Variants in CLNK observed in about 807,000 individuals in gnomAD.
CLNK encodes the protein cytokine dependent hematopoietic cell linker.
CLNK carries 74 observed loss-of-function variants against 68.6 expected under a neutral mutation model. That is an observed-to-expected ratio of 1.08 (90% confidence interval 0.89 to 1.31). The LOEUF is 1.31. CLNK is among the 50% of genes most tolerant of loss of function. The pLI is 0.00. For missense variants in CLNK, 553 were observed against 515.3 expected, an observed-to-expected ratio of 1.07 and a Z score of -0.71; for synonymous variants, 198 against 172.2, an observed-to-expected ratio of 1.15 and a Z score of -1.17.
At chr4:10,605,788 AC>A (rs1351549157) in intron 2 of CLNK, among the ~76,000 whole-genome samples, 71 of 148,710 alleles carry the variant, frequency 4.8e-4, no homozygotes, top group African/African-American at 1.7e-3. Flanking sequence ...AGATCACACC[AC>A]TGCACTGTAG....
At chr4:10,512,819 C>T (rs1196089917) in intron 16 of CLNK, among the ~76,000 whole-genome samples, 1 of 150,918 alleles carries the variant, frequency 6.6e-6, no homozygotes, top group Non-Finnish European at 1.5e-5. Context: ...AGAAAGCATA[C>T]AAGATACAGT....
At chr4:10,593,481 C>A (rs769129781) in intron 3 of CLNK, among the ~76,000 whole-genome samples, 1 of 152,024 alleles carries the variant, frequency 6.6e-6, no homozygotes, top group Non-Finnish European at 1.5e-5. Flanking sequence ...ATGGCGAAAC[C>A]CCATCTCTAC....
intron 11 of CLNK, among the ~76,000 whole-genome samples, chr4:10,539,525 C>G (rs558572982): frequency 1.3e-5 from 2 of 152,138 alleles, no homozygotes; most frequent in African/African-American, 4.8e-5. Context: ...TCATTCTATG[C>G]AGAAACAAGG....
At chr4:10,647,090 C>T (rs1022523893) in intron 2 of CLNK, among the ~76,000 whole-genome samples, 2 of 152,188 alleles carry the variant, frequency 1.3e-5, no homozygotes, top group Non-Finnish European at 2.9e-5. Context: ...TTCATATACT[C>T]AGGGATAGGG....
Position 10,566,142 on chromosome 4 carries a change from G to A in CLNK, c.159C>T (p.Asn53=), listed in dbSNP as rs1275424075. 2 of 1,613,600 alleles carry A rather than the reference G, an allele frequency of 1.2e-6. No individual in the cohort carries two copies. The highest frequency in any genetic ancestry group is 2.2e-5 in the South Asian group (2 of 91,032). ...TTGCTCCATCCAGGACTGCAGCAAA[G>A]TTTCTTTCCTAAGCAGGTGGTAACA... ...MNKPLLDWER[N]FAAVLDGAKG... The change falls in exon 6 of 19, where the codon AAC becomes AAT. Residue 53 remains asparagine, a synonymous_variant. Transcript: ENST00000226951.
chr4:10,726,225 G>T, the CLNK span, among the ~76,000 whole-genome samples: 8 of 152,204 alleles, frequency 5.3e-5, no homozygotes, highest in African/African-American at 1.7e-4. Context: ...GGGTTCAAGC[G>T]ATTCTCCTGC....
intron 13 of CLNK, 151 bp downstream of exon 13, chr4:10,527,925 G>A: frequency 2.7e-6 from 1 of 372,976 alleles, no homozygotes; most frequent in East Asian, 3.9e-5. Flanking sequence ...GTATGTGTGT[G>A]CATCAGGATC....
chr4:10,674,602 C>T (rs1724797226), intron 1 of CLNK, among the ~76,000 whole-genome samples: 1 of 152,134 alleles, frequency 6.6e-6, no homozygotes, highest in African/African-American at 2.4e-5. Context: ...CCCTACGGGG[C>T]TCACTGTACT....
At chr4:10,509,353 ACAC>A (rs1388943152) in intron 16 of CLNK, among the ~76,000 whole-genome samples, 1 of 152,060 alleles carries the variant, frequency 6.6e-6, no homozygotes, top group Non-Finnish European at 1.5e-5. Flanking sequence ...TCACTTCCTG[ACAC>A]CCCATTTCAG....
intron 2 of CLNK, among the ~76,000 whole-genome samples, chr4:10,618,887 C>T (rs1024884666): frequency 2.0e-5 from 3 of 152,234 alleles, no homozygotes; most frequent in Admixed American, 6.5e-5. Context: ...TCACGTCCCA[C>T]CAGGCCCCAC....
At chr4:10,589,916 C>T (rs777017105) in intron 3 of CLNK, among the ~76,000 whole-genome samples, 1 of 152,224 alleles carries the variant, frequency 6.6e-6, no homozygotes, top group African/African-American at 2.4e-5. Flanking sequence ...ACCCTGGCTG[C>T]CTTTTGTCAA....
At chr4:10,516,192 G>C (rs1717828227) in intron 15 of CLNK, among the ~76,000 whole-genome samples, 1 of 151,740 alleles carries the variant, frequency 6.6e-6, no homozygotes, top group Admixed American at 6.6e-5. Context: ...AAAATCTTTA[G>C]GATATATAAA....
chr4:10,553,457 ATT>A (rs112540905), intron 8 of CLNK, among the ~76,000 whole-genome samples: 21,332 of 149,174 alleles, frequency 0.14, 1,574 homozygotes, highest in African/African-American at 0.18. Context: ...TTTTTATTTT[ATT>A]TTTTTTTTCT....
At chr4:10,600,885 G>A (rs1236446372) in intron 2 of CLNK, among the ~76,000 whole-genome samples, 2 of 152,142 alleles carry the variant, frequency 1.3e-5, no homozygotes, top group Non-Finnish European at 2.9e-5. Flanking sequence ...TTGCCTAAAT[G>A]GCTTTAACCA....
At chr4:10,516,861 C>T (rs187800067) in intron 15 of CLNK, among the ~76,000 whole-genome samples, 90 of 152,174 alleles carry the variant, frequency 5.9e-4, no homozygotes, top group Non-Finnish European at 1.1e-3. Context: ...AGGATTGTAG[C>T]TTTTAATGTT....
chr4:10,612,737 C>G (rs2108855200), intron 2 of CLNK, among the ~76,000 whole-genome samples: 1 of 152,272 alleles, frequency 6.6e-6, no homozygotes, highest in Non-Finnish European at 1.5e-5. Context: ...TGTCTAGAGA[C>G]ATGGGTTTTC....
chr4:10,657,273 G>A (rs1724024764), intron 2 of CLNK, among the ~76,000 whole-genome samples: 1 of 152,166 alleles, frequency 6.6e-6, no homozygotes, highest in Admixed American at 6.5e-5. Flanking sequence ...AAAGATAAAA[G>A]CAAGTGAATG....
chr4:10,505,703 G>T (rs1254441761), intron 17 of CLNK, among the ~76,000 whole-genome samples: 1 of 151,998 alleles, frequency 6.6e-6, no homozygotes, highest in Non-Finnish European at 1.5e-5. Context: ...GACACTCCTG[G>T]TTCCCTCTTA....
chr4:10,522,398 A>G (rs1325962826), intron 14 of CLNK, among the ~76,000 whole-genome samples: 1 of 151,256 alleles, frequency 6.6e-6, no homozygotes, highest in East Asian at 1.9e-4. Flanking sequence ...ACATGGTGAA[A>G]CCCTGTCTCT....
Sources: gnomAD v4.1 joint callset for allele counts (sites outside exome capture counted in the v4.1 genomes callset) on GRCh38, gnomAD v4.1.1 for gene constraint, MANE v1.5 for transcripts, NCBI Gene and HGNC (gene_info 2026-07-23, HGNC 2026-07-21) for gene names.